The following PCDH15 variants were observed in gnomAD, a reference collection of about 807,000 sequenced individuals.
The protein encoded by PCDH15 is protocadherin related 15, also known as protocadherin-15.
In PCDH15, 129 loss-of-function variants were observed where a neutral mutation model predicts 178.5. That is an observed-to-expected ratio of 0.72 (90% CI 0.63 to 0.84). The LOEUF is 0.84. PCDH15 is among the 40% of genes least tolerant of loss of function. PCDH15 has a pLI of 0.00. For missense variants in PCDH15, 2,230 were observed against 2,099.9 expected (o/e 1.06, Z -1.21); for synonymous variants, 800 against 732.0 (o/e 1.09, Z -1.50).
chr10:55,527,353 G>C (rs1841322987), intron 2 of PCDH15, among the ~76,000 whole-genome samples: 1 of 151,988 alleles, frequency 6.6e-6, no homozygotes, highest in African/African-American at 2.4e-5. Context: ...ACCTTCTGGT[G>C]GGTCACTGGT....
chr10:53,867,487 C>A (rs2079539505), intron 26 of PCDH15, among the ~76,000 whole-genome samples: 1 of 152,016 alleles, frequency 6.6e-6, no homozygotes, highest in African/African-American at 2.4e-5. Context: ...CATCTATGTA[C>A]CCAATAAGTA....
Position 55,209,592 on chromosome 10 carries a change from A to T in PCDH15, c.-155-42941T>A, listed in dbSNP as rs562388438. Among the ~76,000 whole-genome samples the T allele has an allele frequency of 5.9e-5, 9 of 152,170 alleles. No homozygotes were observed. In the South Asian group the frequency reaches 1.9e-3, roughly 32 times the overall value. On this transcript the variant is annotated intron_variant, in intron 1 of 5. Transcript: ENST00000458638. ...GTATTGGTTTGGACATATGAAAATG[A>T]GGGAGGAAATAATCCAGGACCACTC...
intron 2 of PCDH15, among the ~76,000 whole-genome samples, chr10:55,594,597 A>C (rs1169302923): frequency 1.3e-5 from 2 of 152,006 alleles, no homozygotes; most frequent in East Asian, 3.8e-4. Context: ...TGGCGTTTCC[A>C]ATGTTGCAAA....
intron 3 of PCDH15, among the ~76,000 whole-genome samples, chr10:54,830,128 T>C (rs1953199005): frequency 6.6e-6 from 1 of 152,198 alleles, no homozygotes; most frequent in Non-Finnish European, 1.5e-5. Context: ...AAAATGTAAC[T>C]GTTGGTGGGA....
chr10:54,419,603 C>T (rs1954960442), intron 3 of PCDH15, among the ~76,000 whole-genome samples: 1 of 152,010 alleles, frequency 6.6e-6, no homozygotes, highest in Admixed American at 6.6e-5. Flanking sequence ...TTGCTAAATT[C>T]TTGACTCAAG....
intron 2 of PCDH15, among the ~76,000 whole-genome samples, chr10:55,388,984 G>C (rs1448642446): frequency 6.6e-6 from 1 of 152,106 alleles, no homozygotes; most frequent in Non-Finnish European, 1.5e-5. Flanking sequence ...TCACCTCATT[G>C]AATGAAGGAT....
chr10:54,766,629 T>TA (rs1188823815), intron 1 of PCDH15, among the ~76,000 whole-genome samples: 10 of 151,930 alleles, frequency 6.6e-5, no homozygotes, highest in East Asian at 3.9e-4. Context: ...GGTCAGAAGT[T>TA]AAAAAAAGTA....
intron 9 of PCDH15, among the ~76,000 whole-genome samples, chr10:54,224,523 A>C (rs758373357): frequency 6.6e-6 from 1 of 152,048 alleles, no homozygotes; most frequent in African/African-American, 2.4e-5. Flanking sequence ...TCTGGGTTTT[A>C]TTTCTTTTTA....
intron 36 of PCDH15, among the ~76,000 whole-genome samples, chr10:53,810,910 G>A (rs893890177): frequency 6.6e-6 from 1 of 152,074 alleles, no homozygotes; most frequent in Non-Finnish European, 1.5e-5. Context: ...TCAGATACTC[G>A]TTTTTGGAGA....
intron 2 of PCDH15, among the ~76,000 whole-genome samples, chr10:55,090,814 C>A (rs1842298730): frequency 1.3e-5 from 2 of 152,144 alleles, no homozygotes; most frequent in South Asian, 2.1e-4. Context: ...GAAGACACTG[C>A]ATTTTATATC....
chr10:54,000,269 A>G (rs1383488595), intron 20 of PCDH15, among the ~76,000 whole-genome samples: 2 of 152,174 alleles, frequency 1.3e-5, no homozygotes, highest in Non-Finnish European at 2.9e-5. Context: ...TTAAATGCCC[A>G]GACACAGACA....
intron 3 of PCDH15, among the ~76,000 whole-genome samples, chr10:54,838,300 CA>C (rs958769212): frequency 1.3e-5 from 2 of 152,062 alleles, no homozygotes; most frequent in Non-Finnish European, 2.9e-5. Context: ...ATCATGGGTG[CA>C]GTTTCCCACA....
intron 21 of PCDH15, among the ~76,000 whole-genome samples, chr10:53,986,084 G>A (rs2091079197): frequency 6.6e-6 from 1 of 151,890 alleles, no homozygotes; most frequent in African/African-American, 2.4e-5. Context: ...ATTTTGGAAA[G>A]CAGATCCTTA....
intron 2 of PCDH15, among the ~76,000 whole-genome samples, chr10:55,084,342 A>C (rs562474262): frequency 6.6e-6 from 1 of 151,942 alleles, no homozygotes; most frequent in South Asian, 2.1e-4. Context: ...TCTCTTCAAA[A>C]AAAGGTGCTT....
At chr10:55,176,504 C>A (rs551462234) in intron 1 of PCDH15, among the ~76,000 whole-genome samples, 1 of 152,226 alleles carries the variant, frequency 6.6e-6, no homozygotes, top group African/African-American at 2.4e-5. Context: ...TTTTTCCTAA[C>A]CAGAGACAAG....
At chr10:54,677,691 A>G (rs980405398) in intron 1 of PCDH15, among the ~76,000 whole-genome samples, 1 of 152,134 alleles carries the variant, frequency 6.6e-6, no homozygotes, top group Non-Finnish European at 1.5e-5. Flanking sequence ...TCCATCTTCC[A>G]ATTTTTTAGG....
chr10:54,270,980 C>A (rs970561375), intron 8 of PCDH15, among the ~76,000 whole-genome samples: 3 of 152,014 alleles, frequency 2.0e-5, no homozygotes, highest in East Asian at 1.9e-4. Context: ...TTATATATGA[C>A]CAATATTACC....
intron 10 of PCDH15, among the ~76,000 whole-genome samples, chr10:54,197,621 T>C (rs1446126014): frequency 6.6e-6 from 1 of 152,110 alleles, no homozygotes; most frequent in Non-Finnish European, 1.5e-5. Context: ...CAGCTAGAGA[T>C]CTCTAACTGT....
intron 15 of PCDH15, among the ~76,000 whole-genome samples, chr10:54,131,293 T>C (rs2042415271): frequency 6.6e-6 from 1 of 152,174 alleles, no homozygotes; most frequent in South Asian, 2.1e-4. Context: ...ATATAAAATG[T>C]ATAATTTCTT....
Sources: allele counts gnomAD v4.1 joint callset (sites outside exome capture counted in the v4.1 genomes callset), GRCh38; gene constraint gnomAD v4.1.1; transcripts MANE v1.5; gene names NCBI Gene and HGNC (gene_info 2026-07-23, HGNC 2026-07-21).